The following GSK3B variants were observed in gnomAD, a reference collection of about 807,000 sequenced individuals.
GSK3B encodes the protein glycogen synthase kinase 3 beta, also known as glycogen synthase kinase-3 beta.
In GSK3B, 15 loss-of-function variants were observed where a neutral mutation model predicts 56.4. The observed-to-expected ratio is 0.27, with a 90% CI of 0.18 to 0.41. The LOEUF is 0.41. Ranked by LOEUF, GSK3B falls within the 10% of genes least tolerant of loss-of-function variation. The probability of loss-of-function intolerance (pLI) is 1.00; values close to 1 mark genes in which losing one functional copy is unlikely to be tolerated. For missense variants in GSK3B, 300 were observed against 513.4 expected, an observed-to-expected ratio of 0.58 and a Z score of 4.02; for synonymous variants, 181 against 188.9, an observed-to-expected ratio of 0.96 and a Z score of 0.34.
At chr3:119,915,099 A>T (rs1169916297) in intron 5 of GSK3B, among the ~76,000 whole-genome samples, 1 of 152,122 alleles carries the variant, frequency 6.6e-6, no homozygotes, top group Non-Finnish European at 1.5e-5. Flanking sequence ...GTTAGATCAG[A>T]GAGGCACAAA....
At position 119,826,556 on chromosome 3, in the gene GSK3B, A is replaced by AAC; in HGVS notation, c.*231_*232insGT. The AAC allele has an allele frequency of 3.4e-6, 2 of 580,978 alleles. No individual in the cohort carries two copies. The highest frequency in any genetic ancestry group is 6.3e-6 in the Non-Finnish European group (2 of 315,918). 36.0% of individuals were successfully genotyped at this position (580,978 alleles called of 1,614,324 possible). A position where few individuals can be genotyped will look rare whatever the true frequency, so the allele number is the denominator to read the frequency against. ...GTGCTCCGCTTTCCCCCTCCCCACA[A>AAC]CCCCTCCCACCCCCTGGATCTCCCT... On this transcript the variant is annotated 3_prime_UTR_variant, in exon 11 of 11. Transcript: ENST00000264235.
intron 8 of GSK3B, among the ~76,000 whole-genome samples, chr3:119,871,080 G>A (rs2056244976): frequency 6.6e-6 from 1 of 152,204 alleles, no homozygotes; most frequent in Non-Finnish European, 1.5e-5. Context: ...TCTATTGAAT[G>A]GCTCAGGGGA....
intron 7 of GSK3B, among the ~76,000 whole-genome samples, chr3:119,903,221 G>T (rs1404151201): frequency 1.3e-5 from 2 of 152,088 alleles, no homozygotes; most frequent in African/African-American, 4.8e-5. Flanking sequence ...TCTATCCTGG[G>T]CAGCCACGGT....
At chr3:119,883,755 T>A (rs1466406471) in intron 7 of GSK3B, among the ~76,000 whole-genome samples, 1 of 152,168 alleles carries the variant, frequency 6.6e-6, no homozygotes, top group Non-Finnish European at 1.5e-5. Flanking sequence ...GAAAGTAATT[T>A]AAATCTTATC....
chr3:119,831,491 A>C (rs1445046953), intron 10 of GSK3B, among the ~76,000 whole-genome samples: 4 of 152,064 alleles, frequency 2.6e-5, no homozygotes, highest in Non-Finnish European at 5.9e-5. Flanking sequence ...CCCTGACTCT[A>C]CTAAAAATAC....
At chr3:120,023,923 T>G (rs989320099) in intron 1 of GSK3B, among the ~76,000 whole-genome samples, 1 of 152,218 alleles carries the variant, frequency 6.6e-6, no homozygotes, top group African/African-American at 2.4e-5. Flanking sequence ...AAAACTGAAC[T>G]GATGAATCCA....
At chr3:119,972,426 T>TTTTG (rs576140612) in intron 2 of GSK3B, among the ~76,000 whole-genome samples, 3 of 152,100 alleles carry the variant, frequency 2.0e-5, no homozygotes, top group South Asian at 2.1e-4. Flanking sequence ...TTTTTATCTA[T>TTTTG]TTTGTTTGTT....
At chr3:120,061,987 C>T (rs1463365773) in intron 1 of GSK3B, among the ~76,000 whole-genome samples, 4 of 152,140 alleles carry the variant, frequency 2.6e-5, no homozygotes, top group Non-Finnish European at 4.4e-5. Flanking sequence ...CCGCCTTGGC[C>T]TCCCAAAGTG....
At chr3:119,832,705 G>A (rs1435112898) in intron 10 of GSK3B, among the ~76,000 whole-genome samples, 2 of 152,132 alleles carry the variant, frequency 1.3e-5, no homozygotes, top group Non-Finnish European at 2.9e-5. Context: ...TGGCTCTATG[G>A]CTTTGTACCA....
At chr3:119,984,396 A>C (rs9680935) in intron 2 of GSK3B, among the ~76,000 whole-genome samples, 5,155 of 48,488 alleles carry the variant, frequency 0.11, 264 homozygotes, top group African/African-American at 0.49. Flanking sequence ...GAAAAACCTT[A>C]AAAAAAAAAA....
chr3:119,910,275 T>C (rs1398562496), intron 6 of GSK3B, among the ~76,000 whole-genome samples: 2 of 152,068 alleles, frequency 1.3e-5, no homozygotes, highest in Non-Finnish European at 2.9e-5. Context: ...ATTTGAAAAA[T>C]TCTATACAGG....
intron 1 of GSK3B, among the ~76,000 whole-genome samples, chr3:120,018,386 G>A (rs893083368): frequency 8.5e-5 from 13 of 152,058 alleles, no homozygotes; most frequent in African/African-American, 1.9e-4. Context: ...TTCCACATAC[G>A]GTGGTTCCAT....
chr3:120,004,610 T>A (rs1576264009), intron 1 of GSK3B, among the ~76,000 whole-genome samples: 1 of 152,136 alleles, frequency 6.6e-6, no homozygotes, highest in Admixed American at 6.5e-5. Context: ...TGCAGCCTCC[T>A]CTGGTGATAC....
chr3:120,028,212 C>T (rs1174029843), intron 1 of GSK3B, among the ~76,000 whole-genome samples: 1 of 152,224 alleles, frequency 6.6e-6, no homozygotes, highest in Non-Finnish European at 1.5e-5. Context: ...GTATGTTTAT[C>T]TAGTCTTAAC....
In GSK3B at chr3:119,954,307, A is replaced by AGAATAGAATAGAATAGAAT. The variant is rs1559851422; in HGVS notation, c.283-6957_283-6956insATTCTATTCTATTCTATTC. On this transcript the variant is annotated intron_variant, in intron 2 of 10. Transcript: ENST00000264235. ...TAGAATAGAATAGAATAGAATAGAA[A>AGAATAGAATAGAATAGAAT]AGAAACAGAACAGAACAGAACAGCA... Among the ~76,000 whole-genome samples, 7 of 121,758 alleles carry AGAATAGAATAGAATAGAAT rather than the reference A, an allele frequency of 5.7e-5. No individual in the cohort carries two copies. The East Asian group carries it at 6.6e-4, about 12-fold the overall frequency. The allele number at this position is 121,758 out of a possible 152,430, so 79.9% of individuals were successfully genotyped here.
chr3:120,081,054 G>C (rs763259307), intron 1 of GSK3B, among the ~76,000 whole-genome samples: 4 of 152,028 alleles, frequency 2.6e-5, no homozygotes, highest in Non-Finnish European at 5.9e-5. Flanking sequence ...ATAATGTAAG[G>C]GGATACCGTA....
At chr3:120,074,021 T>C (rs975000487) in intron 1 of GSK3B, among the ~76,000 whole-genome samples, 3 of 152,172 alleles carry the variant, frequency 2.0e-5, no homozygotes, top group African/African-American at 7.2e-5. Flanking sequence ...ATAAAAACAG[T>C]TGGCCAGGTG....
At chr3:120,029,311 T>C in intron 1 of GSK3B, 1 of 743,384 alleles carries the variant, frequency 1.3e-6, no homozygotes, top group Non-Finnish European at 2.5e-6. Flanking sequence ...CAGCGGACAA[T>C]GATCAGATAT....
chr3:119,952,279 G>A (rs570239945), intron 2 of GSK3B, among the ~76,000 whole-genome samples: 3 of 152,012 alleles, frequency 2.0e-5, no homozygotes, highest in Admixed American at 6.6e-5. Context: ...CCTGAGGTCA[G>A]GAGTTCAAGA....
Sources: allele counts gnomAD v4.1 joint callset (sites outside exome capture counted in the v4.1 genomes callset), GRCh38; gene constraint gnomAD v4.1.1; transcripts MANE v1.5; gene names NCBI Gene and HGNC (gene_info 2026-07-23, HGNC 2026-07-21).